MYO3A: variants seen among roughly 807,000 people sequenced by gnomAD.
MYO3A encodes the protein myosin IIIA.
Under a neutral mutation model 192.7 loss-of-function variants are expected in MYO3A, and 180 were observed. The observed-to-expected ratio is 0.93, with a 90% CI of 0.83 to 1.06. The LOEUF is 1.06. MYO3A is among the 50% of genes least tolerant of loss of function. The probability of loss-of-function intolerance (pLI) is 0.00; values close to 1 mark genes in which losing one functional copy is unlikely to be tolerated. For missense variants in MYO3A, 1,896 were observed against 1,905.0 expected (o/e 1.00, Z 0.09); for synonymous variants, 628 against 645.3 (o/e 0.97, Z 0.41).
chr10:26,160,904 A>G (rs1413632904), intron 26 of MYO3A, among the ~76,000 whole-genome samples: 1 of 152,210 alleles, frequency 6.6e-6, no homozygotes, highest in African/African-American at 2.4e-5. Flanking sequence ...AAAAATAACC[A>G]TAGTTTTACA....
chr10:26,020,976 A>T (rs1197058386), intron 7 of MYO3A, among the ~76,000 whole-genome samples: 1 of 152,142 alleles, frequency 6.6e-6, no homozygotes, highest in Non-Finnish European at 1.5e-5. Context: ...AGTGGCTTAA[A>T]CCTTTTGCAT....
At position 26,031,558 on chromosome 10, in the gene MYO3A, C is replaced by A. The variant is rs969974688; in HGVS notation, c.953+5026C>A. ...TCACTTCCAGTTTCTATGTGAGAGG[C>A]AGAGTCCTACCTGCTAACCATTTTG... On this transcript the variant is annotated intron_variant, in intron 10 of 34. Transcript: ENST00000642920. Among the ~76,000 whole-genome samples, 17 of 152,226 alleles carry A rather than the reference C, an allele frequency of 1.1e-4. No individual in the cohort carries two copies. In the East Asian group the frequency reaches 3.1e-3, roughly 28 times the overall value.
At chr10:25,994,120 G>A (rs965874374) in intron 4 of MYO3A, among the ~76,000 whole-genome samples, 1 of 152,118 alleles carries the variant, frequency 6.6e-6, no homozygotes, top group African/African-American at 2.4e-5. Context: ...GGGTGTTAAA[G>A]TCTCCCATTA....
chr10:26,005,352 T>G (rs1489386458), intron 6 of MYO3A, among the ~76,000 whole-genome samples: 1 of 152,124 alleles, frequency 6.6e-6, no homozygotes, highest in African/African-American at 2.4e-5. Flanking sequence ...AAGAAAAGAT[T>G]GAGGAACTCC....
At chr10:26,198,338 G>T (rs539199710) in intron 32 of MYO3A, among the ~76,000 whole-genome samples, 3 of 152,300 alleles carry the variant, frequency 2.0e-5, no homozygotes, top group South Asian at 2.1e-4. Flanking sequence ...AGCGGAGTGC[G>T]CATGGCCTGT....
At chr10:26,156,425 G>A (rs959215694) in intron 25 of MYO3A, among the ~76,000 whole-genome samples, 1 of 152,152 alleles carries the variant, frequency 6.6e-6, no homozygotes, top group African/African-American at 2.4e-5. Flanking sequence ...TCCACTTTTA[G>A]TTGATTATCC....
chr10:26,201,210 C>A, intron 32 of MYO3A, 55 bp from the exon 33 acceptor site: 1 of 904,194 alleles, frequency 1.1e-6, no homozygotes, highest in South Asian at 2.2e-5. Flanking sequence ...GTTATATATC[C>A]ATTATATTAA....
chr10:25,993,109 T>C (rs1467516985), intron 4 of MYO3A, among the ~76,000 whole-genome samples: 1 of 152,032 alleles, frequency 6.6e-6, no homozygotes, highest in African/African-American at 2.4e-5. Context: ...GTACCTCTGG[T>C]AGAATTCGGC....
At chr10:25,993,285 A>C (rs560518126) in intron 4 of MYO3A, among the ~76,000 whole-genome samples, 1 of 152,062 alleles carries the variant, frequency 6.6e-6, no homozygotes, top group African/African-American at 2.4e-5. Flanking sequence ...AGATTTTCTA[A>C]TTTATTTGCG....
chr10:26,074,814 A>G (rs917196438), intron 14 of MYO3A, among the ~76,000 whole-genome samples: 2 of 151,856 alleles, frequency 1.3e-5, no homozygotes, highest in Non-Finnish European at 2.9e-5. Context: ...AATCATTGCC[A>G]ATGCCAATGT....
intron 14 of MYO3A, among the ~76,000 whole-genome samples, chr10:26,086,477 T>C (rs962923470): frequency 1.3e-5 from 2 of 152,160 alleles, no homozygotes; most frequent in African/African-American, 4.8e-5. Context: ...TAATTCAAAA[T>C]GATGAGTAGG....
chr10:26,060,431 G>A (rs1270415771), intron 10 of MYO3A, among the ~76,000 whole-genome samples: 1 of 152,100 alleles, frequency 6.6e-6, no homozygotes, highest in Non-Finnish European at 1.5e-5. Context: ...TCTCCCCACT[G>A]CACTCCAACC....
chr10:26,070,397 G>A lies in MYO3A; in HGVS notation c.1355G>A (p.Gly452Glu), dbSNP rs748810271. 6.2e-7 allele frequency: 1 copy of A among 1,611,804 alleles called. No individual in the cohort carries two copies. The highest frequency in any genetic ancestry group is 1.7e-5 in the Admixed American group (1 of 59,986). The change falls in exon 14 of 35, where the codon GGA (glycine) becomes GAA (glutamate). Residue 452 changes from glycine (G) to glutamate (E), a missense_variant. Gly to Glu is a moderately conservative substitution (Grantham distance 98, BLOSUM62 -2). Transcript: ENST00000642920. ...HLLVQQLTVL[G>E]KANNRTLQEK... is the part of the protein sequence containing the mutation. The stretch of plus-strand genomic sequence containing the variant: ...TTAGTTCAGCAGCTGACAGTGCTTG[G>A]AAAGGTATAATTTATTTTTTTCTCT...
At chr10:26,197,053 G>C (rs1400411440) in intron 32 of MYO3A, among the ~76,000 whole-genome samples, 1 of 152,132 alleles carries the variant, frequency 6.6e-6, no homozygotes, top group African/African-American at 2.4e-5. Flanking sequence ...AAACACCAGG[G>C]GTTTGGTTGA....
intron 2 of MYO3A, among the ~76,000 whole-genome samples, chr10:25,939,996 T>C (rs1836374434): frequency 6.6e-6 from 1 of 152,096 alleles, no homozygotes; most frequent in Non-Finnish European, 1.5e-5. Flanking sequence ...CTTTAAAATA[T>C]ATTTTGCCTG....
rs1404844626 is a variant in MYO3A, at chr10:26,016,888, G to T, written c.577G>T (p.Ala193Ser). 3.1e-6 allele frequency: 5 copies of T among 1,614,002 alleles called. No homozygotes were observed. Among genetic ancestry groups the T allele is most frequent in the Non-Finnish European group, 4.2e-6 (5 of 1,179,972 alleles). The change falls in exon 7 of 35, where the codon GCT (alanine) becomes TCT (serine). Residue 193 changes from alanine (A) to serine (S), a missense_variant. Coordinates refer to ENST00000642920, the MANE Select transcript of MYO3A (RefSeq NM_017433.5). ...ATCCGTAGGAACACCGTTTTGGATG[G>T]CTCCTGAGGTCAGATAGAGTTTTGA... is the stretch of plus-strand genomic sequence containing the variant. ...NTSVGTPFWM[A>S]PEVIACEQQL...
chr10:26,163,501 G>GAAA (rs1841582919), intron 26 of MYO3A, among the ~76,000 whole-genome samples: 2 of 152,210 alleles, frequency 1.3e-5, no homozygotes, highest in African/African-American at 2.4e-5. Flanking sequence ...GGTAATGGCA[G>GAAA]CAGGCATAGC....
intron 10 of MYO3A, among the ~76,000 whole-genome samples, chr10:26,041,126 C>A (rs539992377): frequency 1.3e-5 from 2 of 152,100 alleles, no homozygotes; most frequent in East Asian, 3.8e-4. Context: ...GAATTCACCT[C>A]TTTATCATTA....
At chr10:25,961,189 A>G (rs561640822) in intron 4 of MYO3A, among the ~76,000 whole-genome samples, 4 of 152,276 alleles carry the variant, frequency 2.6e-5, no homozygotes, top group African/African-American at 9.6e-5. Flanking sequence ...TGTGCATTTA[A>G]GTGGAGATTC....
Sources: allele counts gnomAD v4.1 joint callset (sites outside exome capture counted in the v4.1 genomes callset), GRCh38; gene constraint gnomAD v4.1.1; transcripts MANE v1.5; gene names NCBI Gene and HGNC (gene_info 2026-07-23, HGNC 2026-07-21).